ASIC2: variants seen among roughly 807,000 people sequenced by gnomAD.
The protein encoded by ASIC2 is acid sensing ion channel subunit 2.
ASIC2 carries 25 observed loss-of-function variants against 57.3 expected under a neutral mutation model. The ratio of observed to expected loss-of-function variants is 0.44; its 90% CI spans 0.32 to 0.61. The LOEUF is 0.61. Ranked by LOEUF, ASIC2 falls within the 20% of genes least tolerant of loss-of-function variation. The pLI is 0.06. For missense variants in ASIC2, 641 were observed against 738.1 expected (o/e 0.87, Z 1.52); for synonymous variants, 319 against 307.5 (o/e 1.04, Z -0.39).
chr17:33,997,353 C>T (rs963793329), intron 1 of ASIC2, among the ~76,000 whole-genome samples: 5 of 116,288 alleles, frequency 4.3e-5, no homozygotes, highest in African/African-American at 1.8e-4. Flanking sequence ...AAGGTTTCGC[C>T]ATGTTGCCCA....
At chr17:33,210,844 C>G (rs1383090118) in intron 1 of ASIC2, among the ~76,000 whole-genome samples, 1 of 152,178 alleles carries the variant, frequency 6.6e-6, no homozygotes, top group Non-Finnish European at 1.5e-5. Context: ...TTGTTTCCCA[C>G]TTGAGAAACT....
chr17:33,548,566 A>G (rs1199085498), intron 1 of ASIC2, among the ~76,000 whole-genome samples: 2 of 152,160 alleles, frequency 1.3e-5, no homozygotes, highest in African/African-American at 4.8e-5. Context: ...TTGGACTGGG[A>G]GTCTACAGGC....
chr17:33,432,985 A>C (rs1911471717), intron 1 of ASIC2, among the ~76,000 whole-genome samples: 1 of 152,208 alleles, frequency 6.6e-6, no homozygotes, highest in South Asian at 2.1e-4. Context: ...ATTGTGGAAA[A>C]CGGTGTGGTG....
At chr17:33,746,594 A>G (rs567064518) in intron 1 of ASIC2, among the ~76,000 whole-genome samples, 15 of 151,974 alleles carry the variant, frequency 9.9e-5, no homozygotes, top group African/African-American at 1.9e-4. Context: ...ATCTGACCAC[A>G]TTGAAGGGAG....
chr17:33,340,296 G>A (rs959889868), intron 1 of ASIC2, among the ~76,000 whole-genome samples: 3 of 152,092 alleles, frequency 2.0e-5, no homozygotes, highest in Admixed American at 6.5e-5. Flanking sequence ...GATGGGGAGT[G>A]GGAGCATGAT....
At chr17:33,954,837 G>A (rs1004249790) in intron 1 of ASIC2, among the ~76,000 whole-genome samples, 5 of 152,304 alleles carry the variant, frequency 3.3e-5, no homozygotes, top group East Asian at 3.9e-4. Context: ...CCCGGTTTGC[G>A]CCTTTCTTGC....
chr17:33,116,703 C>T (rs1430047751), intron 1 of ASIC2, among the ~76,000 whole-genome samples: 1 of 152,184 alleles, frequency 6.6e-6, no homozygotes, highest in African/African-American at 2.4e-5. Flanking sequence ...CTAATGCTTG[C>T]ACAGTGTGTT....
Position 33,050,738 on chromosome 17 carries a change from G to A in ASIC2, c.988-22346C>T, listed in dbSNP as rs112380915. Among the ~76,000 whole-genome samples, 1,117 of 152,124 alleles carry A rather than the reference G, an allele frequency of 7.3e-3. 16 individuals carry two copies. The highest frequency in any genetic ancestry group is 0.024 in the African/African-American group (1,001 of 41,496). ...AGAGGAACAAATAACCTTCATTCAA[G>A]CCTGGCTACTTGAGATTGTTCCATG... On this transcript the variant is annotated intron_variant, in intron 3 of 9. Transcript: ENST00000225823.
chr17:33,957,077 T>C (rs1029208000), intron 1 of ASIC2, among the ~76,000 whole-genome samples: 1 of 152,214 alleles, frequency 6.6e-6, no homozygotes, highest in Non-Finnish European at 1.5e-5. Flanking sequence ...GGGATGAGCA[T>C]CTGGAAAAGC....
At chr17:33,508,045 C>T (rs1169647364) in intron 1 of ASIC2, among the ~76,000 whole-genome samples, 1 of 151,920 alleles carries the variant, frequency 6.6e-6, no homozygotes, top group Non-Finnish European at 1.5e-5. Flanking sequence ...AAACTTATTC[C>T]CCTCCTCTAC....
chr17:33,495,077 C>G (rs953565641), intron 1 of ASIC2, among the ~76,000 whole-genome samples: 3 of 152,154 alleles, frequency 2.0e-5, no homozygotes, highest in Non-Finnish European at 4.4e-5. Context: ...CTACATAAAG[C>G]TGGAATGAGA....
rs539720220 is a variant in ASIC2 at position 33,364,309 on chromosome 17, C to T, written c.556-252242G>A. Among the ~76,000 whole-genome samples, 6 of 152,246 alleles carry T rather than the reference C, an allele frequency of 3.9e-5. No individual in the cohort carries two copies. The East Asian group carries it at 1.2e-3, about 29-fold the overall frequency. On this transcript the variant is annotated intron_variant, in intron 1 of 9. Transcript: ENST00000359872. ...GGAATTTGTGGTTGATGATTCTCTGCACTGTTAATAGAAATGACATAACCT... is the reference window on the plus strand; with the variant it reads ...GGAATTTGTGGTTGATGATTCTCTGTACTGTTAATAGAAATGACATAACCT...
intron 1 of ASIC2, among the ~76,000 whole-genome samples, chr17:33,556,857 A>AT (rs1196794818): frequency 6.6e-6 from 1 of 152,222 alleles, no homozygotes; most frequent in African/African-American, 2.4e-5. Flanking sequence ...CCCCTAAGTT[A>AT]TTCCCATAAG....
intron 1 of ASIC2, among the ~76,000 whole-genome samples, chr17:33,805,640 A>T (rs1425602219): frequency 6.6e-6 from 1 of 152,242 alleles, no homozygotes; most frequent in Admixed American, 6.5e-5. Flanking sequence ...AGCATCACTG[A>T]ATCATGGAAT....
intron 1 of ASIC2, among the ~76,000 whole-genome samples, chr17:33,863,754 A>G (rs1186938092): frequency 6.6e-6 from 1 of 152,208 alleles, no homozygotes; most frequent in African/African-American, 2.4e-5. Context: ...GCTTCCGACA[A>G]TCTCTAAACA....
At chr17:33,023,395 C>G (rs756855774) in intron 6 of ASIC2, among the ~76,000 whole-genome samples, 64 of 151,046 alleles carry the variant, frequency 4.2e-4, no homozygotes, top group Non-Finnish European at 7.4e-4. Flanking sequence ...GAAGCTGAGG[C>G]AGGAGAATGG....
intron 1 of ASIC2, among the ~76,000 whole-genome samples, chr17:33,262,041 C>T (rs1280472976): frequency 6.6e-6 from 1 of 152,192 alleles, no homozygotes; most frequent in Non-Finnish European, 1.5e-5. Flanking sequence ...AGCTGGCGCA[C>T]GACCGGGTTG....
chr17:33,629,641 A>G (rs1183249076), intron 1 of ASIC2, among the ~76,000 whole-genome samples: 1 of 152,118 alleles, frequency 6.6e-6, no homozygotes, highest in Non-Finnish European at 1.5e-5. Flanking sequence ...AGGTTAAAGG[A>G]TGCTAGAGGG....
At chr17:33,647,528 G>T (rs2142037203) in intron 1 of ASIC2, among the ~76,000 whole-genome samples, 1 of 152,326 alleles carries the variant, frequency 6.6e-6, no homozygotes, top group African/African-American at 2.4e-5. Context: ...AGGGAGGTCT[G>T]GGACCTGATA....
Sources: gnomAD v4.1 joint callset for allele counts (sites outside exome capture counted in the v4.1 genomes callset) on GRCh38, gnomAD v4.1.1 for gene constraint, MANE v1.5 for transcripts, NCBI Gene and HGNC (gene_info 2026-07-23, HGNC 2026-07-21) for gene names.